Variants in MAGI1 observed in about 807,000 individuals in gnomAD.
The protein encoded by MAGI1 is membrane-associated guanylate kinase, WW and PDZ domain-containing protein 1.
MAGI1 carries 58 observed loss-of-function variants against 139.9 expected under a neutral mutation model. That is an observed-to-expected ratio of 0.41 (90% CI 0.34 to 0.52). The LOEUF is 0.52. Among genes scored for constraint, MAGI1 ranks in the 20% least tolerant of loss-of-function variants. The probability of loss-of-function intolerance (pLI) is 0.12; values close to 1 mark genes in which losing one functional copy is unlikely to be tolerated. For missense variants in MAGI1, 1,874 were observed against 1,901.6 expected, an observed-to-expected ratio of 0.99 and a Z score of 0.27; for synonymous variants, 812 against 737.9, an observed-to-expected ratio of 1.10 and a Z score of -1.63.
At chr3:65,817,720 C>A (rs2041695576) in intron 1 of MAGI1, among the ~76,000 whole-genome samples, 2 of 152,158 alleles carry the variant, frequency 1.3e-5, no homozygotes, top group South Asian at 4.1e-4. Flanking sequence ...CTCTTTTGGA[C>A]CATTCCTATT....
chr3:65,605,245 T>G (rs576169034), intron 2 of MAGI1, among the ~76,000 whole-genome samples: 1 of 152,350 alleles, frequency 6.6e-6, no homozygotes, highest in African/African-American at 2.4e-5. Context: ...TGTGCTGGTA[T>G]CATCCTTTTG....
Position 66,038,356 on chromosome 3 carries a change from C to T in MAGI1, c.-48G>A. On this transcript the variant is annotated 5_prime_UTR_variant, in exon 1 of 23. Transcript: ENST00000402939. ...AAAAAATAAAACGAGAGACAGGTGC[C>T]CCCCACAGCACGAGCCCCCAAGCCT... 1 of 1,509,008 alleles carries T rather than the reference C, an allele frequency of 6.6e-7. No individual in the cohort carries two copies. The highest frequency in any genetic ancestry group is 8.8e-7 in the Non-Finnish European group (1 of 1,132,194). 93.5% of individuals were successfully genotyped at this position (1,509,008 alleles called of 1,614,324 possible).
intron 2 of MAGI1, among the ~76,000 whole-genome samples, chr3:65,522,510 C>T (rs1230636574): frequency 6.6e-6 from 1 of 152,194 alleles, no homozygotes; most frequent in East Asian, 1.9e-4. Context: ...AAAGGGTACA[C>T]TTTCTAGACC....
At chr3:65,596,678 G>T (rs1034702085) in intron 2 of MAGI1, among the ~76,000 whole-genome samples, 2 of 152,178 alleles carry the variant, frequency 1.3e-5, no homozygotes, top group African/African-American at 4.8e-5. Flanking sequence ...GTTAGACTTA[G>T]GACTTAGGAA....
intron 1 of MAGI1, among the ~76,000 whole-genome samples, chr3:65,690,291 G>C (rs1041424061): frequency 1.3e-5 from 2 of 152,068 alleles, no homozygotes; most frequent in Non-Finnish European, 2.9e-5. Context: ...GTTGAGTCCT[G>C]GTGACACACT....
At chr3:65,494,092 C>A (rs1952250358) in intron 2 of MAGI1, among the ~76,000 whole-genome samples, 2 of 152,096 alleles carry the variant, frequency 1.3e-5, no homozygotes, top group Admixed American at 6.5e-5. Flanking sequence ...GTTCCAAAGC[C>A]CTTTAAAGAA....
At chr3:65,955,266 G>A (rs2064064554) in intron 1 of MAGI1, among the ~76,000 whole-genome samples, 1 of 152,160 alleles carries the variant, frequency 6.6e-6, no homozygotes, top group Non-Finnish European at 1.5e-5. Flanking sequence ...AAAACTTTGG[G>A]AGGCCAAAGC....
chr3:65,623,650 T>G (rs917111897), intron 1 of MAGI1, among the ~76,000 whole-genome samples: 2 of 152,268 alleles, frequency 1.3e-5, no homozygotes, highest in East Asian at 3.9e-4. Flanking sequence ...AACTTCCCTA[T>G]GGTCAAAAAG....
At chr3:65,773,891 A>G (rs1286414291) in intron 1 of MAGI1, among the ~76,000 whole-genome samples, 1 of 152,160 alleles carries the variant, frequency 6.6e-6, no homozygotes, top group Non-Finnish European at 1.5e-5. Context: ...TCCTTTTAAT[A>G]CAAGTTACTT....
At chr3:65,788,584 T>C (rs759115450) in intron 1 of MAGI1, among the ~76,000 whole-genome samples, 1 of 152,202 alleles carries the variant, frequency 6.6e-6, no homozygotes, top group African/African-American at 2.4e-5. Flanking sequence ...AGTTCAAAGT[T>C]TGGCTTGCAC....
intron 1 of MAGI1, among the ~76,000 whole-genome samples, chr3:65,766,665 A>G (rs1015452090): frequency 1.3e-5 from 2 of 152,064 alleles, no homozygotes; most frequent in Non-Finnish European, 2.9e-5. Flanking sequence ...CAAGGCAGGT[A>G]GATCACTTGA....
intron 2 of MAGI1, among the ~76,000 whole-genome samples, chr3:65,608,861 G>C (rs763719535): frequency 6.6e-6 from 1 of 152,006 alleles, no homozygotes; most frequent in African/African-American, 2.4e-5. Flanking sequence ...CAGAAGAATG[G>C]GTAAGCAGAT....
At chr3:66,032,170 TAGTCATTC>T (rs1220680714) in intron 1 of MAGI1, among the ~76,000 whole-genome samples, 1 of 152,024 alleles carries the variant, frequency 6.6e-6, no homozygotes, top group Non-Finnish European at 1.5e-5. Flanking sequence ...AACAATGGAA[TAGTCATTC>T]AGGCATCCAA....
At chr3:65,533,371 A>G (rs2078806632) in intron 2 of MAGI1, among the ~76,000 whole-genome samples, 1 of 152,152 alleles carries the variant, frequency 6.6e-6, no homozygotes, top group African/African-American at 2.4e-5. Context: ...TCAAATACTG[A>G]AGGAATAGAT....
At chr3:65,796,142 C>A (rs2040133725) in intron 1 of MAGI1, among the ~76,000 whole-genome samples, 1 of 151,794 alleles carries the variant, frequency 6.6e-6, no homozygotes, top group Admixed American at 6.6e-5. Context: ...AGAGCTGGCA[C>A]AGGCCGGGGT....
At chr3:65,530,763 A>ATATATATACACACACG (rs1559642845) in intron 2 of MAGI1, among the ~76,000 whole-genome samples, 1 of 15,258 alleles carries the variant, frequency 6.6e-5, no homozygotes, top group East Asian at 2.8e-3. Context: ...ACACGTATAT[A>ATATATATACACACACG]TATATATATA....
rs996895545 is a variant in MAGI1 at position 65,437,203 on chromosome 3, T to G, written c.1315A>C (p.Asn439His). The part of the protein sequence containing the change: ...HSALVPPVIP[N>H]HPPSNPEPAR... ...GGCTCTGGATTGCTTGGAGGGTGGT[T>G]TGGAATAACAGGAGGCACAAGGGCT... The change falls in exon 10 of 23, where the codon AAC (asparagine) becomes CAC (histidine). Residue 439 changes from asparagine to histidine, a missense_variant. By Grantham distance (68) the Asn-to-His change is moderately conservative. Around this residue, in one of 5 missense-constraint regions of MAGI1, gnomAD observed 648 missense variants for 598.1 expected, o/e 1.08. Coordinates refer to ENST00000402939, the MANE Select transcript of MAGI1 (RefSeq NM_001033057.2). The G allele has an allele frequency of 1.2e-6, 2 of 1,612,434 alleles. No homozygotes were observed. Among genetic ancestry groups the G allele is most frequent in the East Asian group, 4.5e-5 (2 of 44,820 alleles).
chr3:65,827,116 C>T (rs969246627), intron 1 of MAGI1, among the ~76,000 whole-genome samples: 2 of 152,180 alleles, frequency 1.3e-5, no homozygotes, highest in Non-Finnish European at 2.9e-5. Context: ...TAAGGATTTG[C>T]TTTATCCAGT....
chr3:65,597,770 C>T (rs570688605), intron 2 of MAGI1: 2 of 456,696 alleles, frequency 4.4e-6, no homozygotes, highest in East Asian at 7.0e-5. Context: ...GGGCAGGGGG[C>T]GGTGGAGGGG....
Sources: allele counts gnomAD v4.1 joint callset (sites outside exome capture counted in the v4.1 genomes callset), GRCh38; gene constraint gnomAD v4.1.1; regional missense constraint gnomAD v4.1.1; transcripts MANE v1.5; gene names NCBI Gene and HGNC (gene_info 2026-07-23, HGNC 2026-07-21).